The following GALNT13 variants were observed in gnomAD, a reference collection of about 807,000 sequenced individuals.
The protein encoded by GALNT13 is UDP-GalNAc:polypeptide N-acetylgalactosaminyltransferase 13.
A neutral mutation model predicts 64.2 loss-of-function variants in GALNT13; 28 were observed. That is an observed-to-expected ratio of 0.44 (90% confidence interval 0.32 to 0.60). GALNT13 has a LOEUF of 0.60. Among genes scored for constraint, GALNT13 ranks in the 20% least tolerant of loss-of-function variants. The probability of loss-of-function intolerance (pLI) is 0.05; values close to 1 mark genes in which losing one functional copy is unlikely to be tolerated. For missense variants in GALNT13, 577 were observed against 669.8 expected, an observed-to-expected ratio of 0.86 and a Z score of 1.53; for synonymous variants, 214 against 224.6, an observed-to-expected ratio of 0.95 and a Z score of 0.42.
At chr2:154,119,426 G>T (rs752942813) in intron 3 of GALNT13, among the ~76,000 whole-genome samples, 4 of 152,066 alleles carry the variant, frequency 2.6e-5, no homozygotes, top group Admixed American at 1.3e-4. Flanking sequence ...GGTTGAATTT[G>T]ACTGAGCTCT....
chr2:154,423,465 T>C (rs959562430), intron 11 of GALNT13, among the ~76,000 whole-genome samples: 4 of 152,170 alleles, frequency 2.6e-5, no homozygotes, highest in African/African-American at 9.7e-5. Context: ...TTTCTAGTTC[T>C]AGATCCTTGA....
the GALNT13 span, among the ~76,000 whole-genome samples, chr2:153,238,663 G>C: frequency 6.7e-6 from 1 of 150,016 alleles, no homozygotes; most frequent in African/African-American, 2.5e-5. Context: ...TTTCTCTGTG[G>C]GTTCTCTATT....
chr2:153,534,589 C>T, the GALNT13 span, among the ~76,000 whole-genome samples: 22 of 147,446 alleles, frequency 1.5e-4, no homozygotes, highest in Non-Finnish European at 2.5e-4. Flanking sequence ...GGGCCAAGTC[C>T]GAAAAGAGAG....
the GALNT13 span, among the ~76,000 whole-genome samples, chr2:153,231,635 A>C: frequency 6.6e-6 from 1 of 152,196 alleles, no homozygotes; most frequent in Non-Finnish European, 1.5e-5. Flanking sequence ...AATGACAAAA[A>C]CACATAATTT....
At chr2:153,752,615 A>C in the GALNT13 span, among the ~76,000 whole-genome samples, 2 of 152,098 alleles carry the variant, frequency 1.3e-5, no homozygotes. Context: ...GTTGCCAGAC[A>C]TATTGGATCC....
Position 154,451,692 on chromosome 2 carries a change from T to G in GALNT13, c.*1141T>G, listed in dbSNP as rs1268001538. On this transcript the variant is annotated 3_prime_UTR_variant, in exon 13 of 13. Transcript: ENST00000392825. ...TAGTTATAATCAGGCTACATTCACA[T>G]TTTCTTTTCTCATCTTAAAACCCTT... 6.6e-6 allele frequency: 1 copy of G among 152,102 alleles called. No individual in the cohort carries two copies. Among genetic ancestry groups the G allele is most frequent in the Admixed American group, 6.6e-5 (1 of 15,232 alleles). The allele number at this position is 152,102 out of a possible 1,614,324, so 9.4% of individuals were successfully genotyped here.
chr2:153,261,027 T>A, the GALNT13 span, among the ~76,000 whole-genome samples: 2 of 152,210 alleles, frequency 1.3e-5, no homozygotes. Context: ...ATTTTTCAAA[T>A]TCAGAATTTC....
intron 4 of GALNT13, chr2:154,236,024 T>G (rs1040478205): frequency 3.3e-6 from 4 of 1,216,778 alleles, no homozygotes. Flanking sequence ...GATTTATTTT[T>G]TATATATTTA....
intron 9 of GALNT13, among the ~76,000 whole-genome samples, chr2:154,381,224 T>C (rs1252268270): frequency 6.6e-6 from 1 of 151,932 alleles, no homozygotes; most frequent in Non-Finnish European, 1.5e-5. Context: ...TCCTTGGAAA[T>C]AGCCAAATAA....
At chr2:153,824,669 G>A in the GALNT13 span, among the ~76,000 whole-genome samples, 1 of 152,104 alleles carries the variant, frequency 6.6e-6, no homozygotes, top group Non-Finnish European at 1.5e-5. Context: ...TTGAATCTGT[G>A]TTCTCAATCA....
At chr2:153,782,480 A>G in the GALNT13 span, among the ~76,000 whole-genome samples, 1 of 152,186 alleles carries the variant, frequency 6.6e-6, no homozygotes, top group Non-Finnish European at 1.5e-5. Flanking sequence ...TAAAAAGGAT[A>G]CCATAAAGTA....
intron 8 of GALNT13, among the ~76,000 whole-genome samples, chr2:154,264,850 AAAAAG>A (rs1256396028): frequency 6.6e-6 from 1 of 151,890 alleles, no homozygotes; most frequent in Non-Finnish European, 1.5e-5. Flanking sequence ...CAGAAACTAG[AAAAAG>A]AAGAGTTTTT....
the GALNT13 span, among the ~76,000 whole-genome samples, chr2:153,670,150 G>A: frequency 6.6e-6 from 1 of 152,206 alleles, no homozygotes; most frequent in Non-Finnish European, 1.5e-5. Flanking sequence ...AGCTTCTGCA[G>A]ACTTGAACTT....
At chr2:153,615,526 C>T in the GALNT13 span, among the ~76,000 whole-genome samples, 1 of 152,050 alleles carries the variant, frequency 6.6e-6, no homozygotes, top group Admixed American at 6.6e-5. Flanking sequence ...TCCACATCCT[C>T]ACCAGCTTTG....
rs180942840 is a variant in GALNT13 at position 154,369,028 on chromosome 2, A to C, written c.1157-26963A>C. On this transcript the variant is annotated intron_variant, in intron 9 of 12. Transcript: ENST00000392825. ...TGTTGTTGTTGTTGTTGTTTTCAGG[A>C]TTATACTTAATTTAGTCAAGACAGA... 3.7e-4 allele frequency among the ~76,000 whole-genome samples: 56 copies of C among 149,852 alleles called. 1 individual carries two copies. The highest frequency in any genetic ancestry group is 3.1e-3 in the Admixed American group (47 of 15,024).
At chr2:154,252,418 G>A (rs1048517275) in intron 7 of GALNT13, among the ~76,000 whole-genome samples, 7 of 150,448 alleles carry the variant, frequency 4.7e-5, no homozygotes, top group South Asian at 4.2e-4. Flanking sequence ...TTACAGTGGC[G>A]CCATCTTGGC....
the GALNT13 span, among the ~76,000 whole-genome samples, chr2:153,082,608 TATATATATATACACACACACACACAC>T: frequency 6.7e-4 from 30 of 44,928 alleles, no homozygotes; most frequent in South Asian, 1.5e-3. Context: ...TATATATATA[TATATATATATACACACACACACACAC>T]ACACACACAC....
the GALNT13 span, among the ~76,000 whole-genome samples, chr2:153,476,234 A>T: frequency 6.6e-6 from 1 of 152,182 alleles, no homozygotes; most frequent in Non-Finnish European, 1.5e-5. Flanking sequence ...CATTAAAGGC[A>T]CTCAAAACTT....
chr2:153,704,128 T>C, the GALNT13 span, among the ~76,000 whole-genome samples: 2 of 152,072 alleles, frequency 1.3e-5, no homozygotes, highest in South Asian at 2.1e-4. Flanking sequence ...TAGAAAAAAA[T>C]GACTCACTTT....
Sources: allele counts gnomAD v4.1 joint callset (sites outside exome capture counted in the v4.1 genomes callset), GRCh38; gene constraint gnomAD v4.1.1; transcripts MANE v1.5; gene names NCBI Gene and HGNC (gene_info 2026-07-23, HGNC 2026-07-21).